Variants in SIGLEC7 observed in about 807,000 individuals in gnomAD.
The protein encoded by SIGLEC7 is sialic acid binding Ig like lectin 7, also known as sialic acid-binding Ig-like lectin 7.
A neutral mutation model predicts 40.8 loss-of-function variants in SIGLEC7; 33 were observed. The ratio of observed to expected loss-of-function variants is 0.81; its 90% CI spans 0.61 to 1.08. SIGLEC7 has a LOEUF of 1.08. Among genes scored for constraint, SIGLEC7 ranks in the 50% least tolerant of loss-of-function variants. The pLI, the probability that SIGLEC7 is intolerant of heterozygous loss-of-function variation, is 0.00. For synonymous variants in SIGLEC7, 242 were observed against 237.6 expected, an observed-to-expected ratio of 1.02 and a Z score of -0.17; for missense variants, 513 against 576.1, an observed-to-expected ratio of 0.89 and a Z score of 1.12.
At chr19:51,146,519 C>G (rs1421122668) in intron 4 of SIGLEC7, among the ~76,000 whole-genome samples, 1 of 152,180 alleles carries the variant, frequency 6.6e-6, no homozygotes, top group Non-Finnish European at 1.5e-5. Context: ...AAAATTATTG[C>G]AAAATAATTT....
intron 1 of SIGLEC7, among the ~76,000 whole-genome samples, chr19:51,143,169 C>A (rs1219949947): frequency 6.6e-6 from 1 of 152,176 alleles, no homozygotes; most frequent in Non-Finnish European, 1.5e-5. Context: ...TGCAGTGAGA[C>A]AATAACAATT....
At position 51,145,025 on chromosome 19, in the gene SIGLEC7, C is replaced by T. The variant is rs532010272; in HGVS notation, c.760+66C>T. 1 of 1,471,278 alleles carries T rather than the reference C, an allele frequency of 6.8e-7. No homozygotes were observed. The highest frequency in any genetic ancestry group is 9.5e-7 in the Non-Finnish European group (1 of 1,050,692). The allele number at this position is 1,471,278 out of a possible 1,614,324, so 91.1% of individuals were successfully genotyped here. ...CTTCAGCTCAGGGCAGGGCCAGGTC[C>T]CTCCTCATCCTGGACTCACCCTGGT... is the stretch of plus-strand genomic sequence containing the variant. On this transcript the variant is annotated intron_variant, in intron 3 of 6. Transcript: ENST00000317643. This position sits in a 1 kb window ranked among gnomAD's most constrained non-coding sequence, Gnocchi z 4.3.
chr19:51,150,092 G>A (rs1352267042), intron 6 of SIGLEC7, among the ~76,000 whole-genome samples: 1 of 152,164 alleles, frequency 6.6e-6, no homozygotes, highest in Admixed American at 6.5e-5. Context: ...CATCTGCAAA[G>A]AGGGATAGTT....
chr19:51,144,885 G>A (rs372184160), intron 2 of SIGLEC7, 27 bp from the exon 3 acceptor site: 15 of 1,613,006 alleles, frequency 9.3e-6, no homozygotes, highest in East Asian at 6.7e-5. Context: ...TCACAGTGAT[G>A]CAGGTCTCCA....
Position 51,142,796 on chromosome 19 carries a change from G to T in SIGLEC7, c.427G>T (p.Val143Leu). 6.3e-7 allele frequency: 1 copy of T among 1,589,044 alleles called. No homozygotes were observed. ...NYKYDQLSVNVTALTHRPNIL... is the reference protein window; with the variant it reads ...NYKYDQLSVNLTALTHRPNIL... ...TAAATATGACCAGCTCTCTGTGAAC[G>T]TGACAGGTAAGGCACGGGCTCCAAG... Residue 143 changes from valine (V) to leucine (L), a missense_variant, in exon 1 of 7, where the codon GTG (valine) becomes TTG (leucine). Val to Leu is a conservative substitution (Grantham distance 32, BLOSUM62 1). Transcript: ENST00000317643. This position sits in a 1 kb window ranked among gnomAD's most constrained non-coding sequence, Gnocchi z 5.0.
Position 51,144,591 on chromosome 19 carries a change from C to T in SIGLEC7, c.619C>T (p.Gln207Ter). 2 of 1,613,990 alleles carry T rather than the reference C, an allele frequency of 1.2e-6. No individual in the cohort carries two copies. Among genetic ancestry groups the T allele is most frequent in the Non-Finnish European group, 1.7e-6 (2 of 1,179,998 alleles). Residue 207 changes from glutamine (Q) to a stop codon, truncating the protein, a stop_gained, in exon 2 of 7, where the codon CAG becomes TAG. Coordinates refer to ENST00000317643, the MANE Select transcript of SIGLEC7 (RefSeq NM_014385.4). LOFTEE classifies it high-confidence loss of function. ...CTCCTCAGTGCTCACCCTCATCCCA[C>T]AGCCCCAGCACCACGGCACCAGCCT... ...TRSSVLTLIP[Q>*]PQHHGTSLTC...
intron 6 of SIGLEC7, among the ~76,000 whole-genome samples, chr19:51,149,198 AT>A: frequency 6.6e-6 from 1 of 152,134 alleles, no homozygotes; most frequent in Non-Finnish European, 1.5e-5. Context: ...TTTTGTTGTG[AT>A]TGCTTTGGCA....
At position 51,145,797 on chromosome 19, in the gene SIGLEC7, T is replaced by G. The variant is rs1419098407; in HGVS notation, c.761-58T>G. 6.3e-7 allele frequency: 1 copy of G among 1,591,060 alleles called. No individual in the cohort carries two copies. Among genetic ancestry groups the G allele is most frequent in the African/African-American group, 1.3e-5 (1 of 74,428 alleles). On this transcript the variant is annotated intron_variant, in intron 3 of 6. Transcript: ENST00000317643. This position sits in a 1 kb window ranked among gnomAD's most constrained non-coding sequence, Gnocchi z 4.3. ...TTCCATTCCCCAGTCTCATTCTGTA[T>G]CCTTCCTCCCTGTTTCAATCACTTT...
At position 51,145,966 on chromosome 19, in the gene SIGLEC7, G is replaced by A. The variant is rs748863130; in HGVS notation, c.872G>A (p.Arg291Lys). Reference sequence around the variant, plus strand: ...CCTGCCAGGCTGAGCTGGACCTGGAGGAGTCTGACCCTGTACCCCTCACAG... The same window carrying A: ...CCTGCCAGGCTGAGCTGGACCTGGAAGAGTCTGACCCTGTACCCCTCACAG... ...NPPARLSWTWRSLTLYPSQPS... is the reference protein window; with the variant it reads ...NPPARLSWTWKSLTLYPSQPS... The change falls in exon 4 of 7, where the codon AGG (arginine) becomes AAG (lysine). Residue 291 changes from arginine to lysine, a missense_variant. By Grantham distance (26) the Arg-to-Lys change is conservative. Transcript: ENST00000317643. This position sits in a 1 kb window ranked among gnomAD's most constrained non-coding sequence, Gnocchi z 4.3. 1.9e-6 allele frequency: 3 copies of A among 1,614,228 alleles called. No individual in the cohort carries two copies. The highest frequency in any genetic ancestry group is 2.5e-6 in the Non-Finnish European group (3 of 1,180,040).
At chr19:51,150,164 C>T (rs1291870353) in intron 6 of SIGLEC7, among the ~76,000 whole-genome samples, 1 of 152,146 alleles carries the variant, frequency 6.6e-6, no homozygotes, top group African/African-American at 2.4e-5. Flanking sequence ...TTGCTCTGGC[C>T]AGAATTTCCA....
In SIGLEC7 at chr19:51,145,013, C is replaced by T; in HGVS notation, c.760+54C>T. 6.5e-7 allele frequency: 1 copy of T among 1,546,888 alleles called. No homozygotes were observed. The highest frequency in any genetic ancestry group is 8.9e-7 in the Non-Finnish European group (1 of 1,118,954). On this transcript the variant is annotated intron_variant, in intron 3 of 6. Coordinates refer to ENST00000317643, the MANE Select transcript of SIGLEC7 (RefSeq NM_014385.4). The surrounding 1 kb of genome is among the most constrained non-coding windows in gnomAD (Gnocchi z 4.3). ...GGGGAGCAGGGCCTTCAGCTCAGGG[C>T]AGGGCCAGGTCCCTCCTCATCCTGG...
At chr19:51,146,720 T>C (rs372013306) in intron 4 of SIGLEC7, 34 bp from the exon 5 acceptor site, 4 of 1,587,098 alleles carry the variant, frequency 2.5e-6, no homozygotes, top group Non-Finnish European at 3.5e-6. Context: ...GTTCTTGGAG[T>C]TGGATCACCA....
chr19:51,149,585 G>T (rs965652108), intron 6 of SIGLEC7, among the ~76,000 whole-genome samples: 1 of 152,158 alleles, frequency 6.6e-6, no homozygotes, highest in Non-Finnish European at 1.5e-5. Context: ...TTTGGGTAAC[G>T]TGATGCCTCC....
intron 6 of SIGLEC7, among the ~76,000 whole-genome samples, chr19:51,148,359 C>T (rs1427475313): frequency 6.6e-6 from 1 of 152,104 alleles, no homozygotes; most frequent in Non-Finnish European, 1.5e-5. Flanking sequence ...TTCAAGTGGG[C>T]CCCAGTGTCT....
chr19:51,142,815 C>T lies in SIGLEC7; in HGVS notation c.433+13C>T. ...GTGAACGTGACAGGTAAGGCACGGGCTCCAAGAGAGGCCAAAGGCAAATGT... is the reference window on the plus strand; with the variant it reads ...GTGAACGTGACAGGTAAGGCACGGGTTCCAAGAGAGGCCAAAGGCAAATGT... On this transcript the variant is annotated intron_variant, in intron 1 of 6. Transcript: ENST00000317643. The surrounding 1 kb of genome is among the most constrained non-coding windows in gnomAD (Gnocchi z 5.0). 1 of 1,570,952 alleles carries T rather than the reference C, an allele frequency of 6.4e-7. No individual in the cohort carries two copies. The highest frequency in any genetic ancestry group is 8.6e-7 in the Non-Finnish European group (1 of 1,157,964).
chr19:51,148,980 T>G (rs2092126991), intron 6 of SIGLEC7, among the ~76,000 whole-genome samples: 1 of 152,252 alleles, frequency 6.6e-6, no homozygotes, highest in South Asian at 2.1e-4. Context: ...GCCAAAAATG[T>G]CTGTTCATGT....
chr19:51,143,934 A>G, intron 1 of SIGLEC7: 1 of 465,144 alleles, frequency 2.1e-6, no homozygotes, highest in Non-Finnish European at 4.3e-6. Flanking sequence ...CCCTATTACA[A>G]CTGAACTGAC....
At position 51,153,308 on chromosome 19, in the gene SIGLEC7, C is replaced by A; in HGVS notation, c.*63C>A. ...ACCCCTCCAGCAAAGGAGTCTGAGG[C>A]TGATTCCAGTAGAATTAGCAGCCCT... On this transcript the variant is annotated 3_prime_UTR_variant, in exon 7 of 7. Coordinates refer to ENST00000317643, the MANE Select transcript of SIGLEC7 (RefSeq NM_014385.4). 7.7e-7 allele frequency: 1 copy of A among 1,298,882 alleles called. No homozygotes were observed. The allele number at this position is 1,298,882 out of a possible 1,614,324, so 80.5% of individuals were successfully genotyped here.
chr19:51,143,452 C>CTACG (rs1170314270), intron 1 of SIGLEC7, among the ~76,000 whole-genome samples: 13 of 152,136 alleles, frequency 8.5e-5, no homozygotes, highest in Non-Finnish European at 1.2e-4. Context: ...AGGGCAGGAC[C>CTACG]TACGTGTCTG....
Sources: allele counts gnomAD v4.1 joint callset (sites outside exome capture counted in the v4.1 genomes callset), GRCh38; gene constraint gnomAD v4.1.1; non-coding constraint Gnocchi (gnomAD v3.1); transcripts MANE v1.5; gene names NCBI Gene and HGNC (gene_info 2026-07-23, HGNC 2026-07-21).